Variants in PYHIN1 observed in about 807,000 individuals in gnomAD.
The protein encoded by PYHIN1 is pyrin and HIN domain family member 1, also known as pyrin and HIN domain-containing protein 1.
In PYHIN1, 32 loss-of-function variants were observed where a neutral mutation model predicts 43.7. That is an observed-to-expected ratio of 0.73 (90% CI 0.55 to 0.98). The LOEUF is 0.98. Ranked by LOEUF, PYHIN1 falls within the 50% of genes least tolerant of loss-of-function variation. The probability of loss-of-function intolerance (pLI) is 0.00; values close to 1 mark genes in which losing one functional copy is unlikely to be tolerated. For synonymous variants in PYHIN1, 205 were observed against 203.1 expected, an observed-to-expected ratio of 1.01 and a Z score of -0.08; for missense variants, 588 against 589.5, an observed-to-expected ratio of 1.00 and a Z score of 0.03.
rs753447086 is a variant in PYHIN1, at chr1:158,942,384, A to G, written c.987A>G (p.Leu329=). The change falls in exon 5 of 9, where the codon TTA becomes TTG. Residue 329 remains leucine, a synonymous_variant. Coordinates refer to ENST00000368140, the MANE Select transcript of PYHIN1 (RefSeq NM_152501.5). ...KQTSGYIVYG[L]FMLHTKIVNR... ...CTTCAGGATATATTGTATATGGATT[A>G]TTTATGCTACATACGGTAAGGCATC... 11 of 1,595,688 alleles carry G rather than the reference A, an allele frequency of 6.9e-6. No individual in the cohort carries two copies. Among genetic ancestry groups the G allele is most frequent in the Admixed American group, 1.8e-5 (1 of 55,844 alleles).
At chr1:158,938,010 C>A (rs1319561493) in intron 2 of PYHIN1, among the ~76,000 whole-genome samples, 4 of 151,746 alleles carry the variant, frequency 2.6e-5, no homozygotes, top group Admixed American at 1.3e-4. Flanking sequence ...TATTTAACAT[C>A]TCCTTTCACT....
intron 7 of PYHIN1, 127 bp downstream of exon 7, chr1:158,945,169 A>G: frequency 4.2e-6 from 4 of 963,248 alleles, no homozygotes; most frequent in Non-Finnish European, 6.1e-6. Context: ...TAAATCACCC[A>G]TGTATTTATT....
chr1:158,964,307 G>T lies in PYHIN1; in HGVS notation c.1360-9340G>T, dbSNP rs373786957. The stretch of plus-strand genomic sequence containing the variant: ...CAAACACCTTTAAAACATATTTCAG[G>T]ATATCATCCATGAAAAATTCCCCAA... On this transcript the variant is annotated intron_variant, in intron 7 of 8. Transcript: ENST00000368140. 3.3e-5 allele frequency among the ~76,000 whole-genome samples: 5 copies of T among 152,262 alleles called. No individual in the cohort carries two copies. In the South Asian group the frequency reaches 1.0e-3, roughly 32 times the overall value.
chr1:158,941,457 T>C (rs1351413650), intron 4 of PYHIN1, among the ~76,000 whole-genome samples: 1 of 152,196 alleles, frequency 6.6e-6, no homozygotes, highest in African/African-American at 2.4e-5. Context: ...TGTTCTCACC[T>C]GCTTTAACAG....
intron 7 of PYHIN1, among the ~76,000 whole-genome samples, chr1:158,949,229 G>A (rs1009705431): frequency 1.3e-5 from 2 of 152,110 alleles, no homozygotes; most frequent in Non-Finnish European, 2.9e-5. Flanking sequence ...TGCCATGATG[G>A]ATGAGGACAT....
At chr1:158,939,333 T>C (rs1648762850) in intron 4 of PYHIN1, 86 bp downstream of exon 4, 3 of 1,588,802 alleles carry the variant, frequency 1.9e-6, no homozygotes, top group Non-Finnish European at 2.6e-6. Context: ...AAAAATGACA[T>C]CAATCATCAG....
At chr1:158,968,879 C>T (rs542470667) in intron 7 of PYHIN1, among the ~76,000 whole-genome samples, 8 of 149,548 alleles carry the variant, frequency 5.3e-5, no homozygotes, top group African/African-American at 1.5e-4. Flanking sequence ...GAACAACAGA[C>T]ACTGGCGCCT....
At chr1:158,967,002 A>G (rs1650669880) in intron 7 of PYHIN1, among the ~76,000 whole-genome samples, 1 of 152,164 alleles carries the variant, frequency 6.6e-6, no homozygotes, top group Admixed American at 6.6e-5. Context: ...CTCATAAACA[A>G]CTTCAGCAAA....
downstream of PYHIN1, among the ~76,000 whole-genome samples, chr1:158,980,400 A>G (rs964659364): frequency 6.6e-6 from 1 of 152,154 alleles, no homozygotes; most frequent in African/African-American, 2.4e-5. Flanking sequence ...GGTTTGGGCA[A>G]AACGAGCCGT....
chr1:158,973,535 AC>A, intron 7 of PYHIN1, 111 bp from the exon 8 acceptor site: 1 of 1,031,484 alleles, frequency 9.7e-7, no homozygotes, highest in Non-Finnish European at 1.5e-6. Context: ...ACACACACAC[AC>A]ATATACACAC....
At chr1:158,953,396 G>A (rs1478836856) in intron 7 of PYHIN1, among the ~76,000 whole-genome samples, 1 of 150,890 alleles carries the variant, frequency 6.6e-6, no homozygotes, top group Non-Finnish European at 1.5e-5. Context: ...GCACGCAGCT[G>A]GAGATCTGAG....
intron 7 of PYHIN1, among the ~76,000 whole-genome samples, chr1:158,947,215 T>C (rs1649270851): frequency 6.6e-6 from 1 of 152,226 alleles, no homozygotes; most frequent in African/African-American, 2.4e-5. Context: ...TTAGATTTTG[T>C]CTTTTGGTGT....
At chr1:158,958,037 C>A (rs1303029360) in intron 7 of PYHIN1, among the ~76,000 whole-genome samples, 3 of 152,324 alleles carry the variant, frequency 2.0e-5, no homozygotes, top group Non-Finnish European at 2.9e-5. Flanking sequence ...AGAGAAATGC[C>A]AATCTAAACC....
intron 7 of PYHIN1, 114 bp from the exon 8 acceptor site, chr1:158,973,533 A>ACACC (rs1651062246): frequency 5.0e-6 from 5 of 1,007,132 alleles, no homozygotes; most frequent in Non-Finnish European, 7.5e-6. Flanking sequence ...ACACACACAC[A>ACACC]CACATATACA....
At chr1:158,989,576 C>T in the PYHIN1 span, among the ~76,000 whole-genome samples, 18 of 152,110 alleles carry the variant, frequency 1.2e-4, no homozygotes, top group Non-Finnish European at 2.5e-4. Flanking sequence ...CATCATGTAA[C>T]GATGAAAGTA....
chr1:158,962,319 A>C (rs1433769404), intron 7 of PYHIN1, among the ~76,000 whole-genome samples: 3 of 152,144 alleles, frequency 2.0e-5, no homozygotes, highest in African/African-American at 7.2e-5. Context: ...CTAGAGGGAA[A>C]GGTAGGCTGC....
At chr1:158,941,568 C>T (rs1648915472) in intron 4 of PYHIN1, among the ~76,000 whole-genome samples, 2 of 152,166 alleles carry the variant, frequency 1.3e-5, no homozygotes, top group Non-Finnish European at 2.9e-5. Context: ...TTGTGGTGGA[C>T]ACCCTTTACC....
chr1:158,943,895 GAT>G lies in PYHIN1; in HGVS notation c.1110_1111del (p.Asp370GlufsTer24). 1.2e-6 allele frequency: 2 copies of G among 1,610,158 alleles called. No homozygotes were observed. Among genetic ancestry groups the G allele is most frequent in the Non-Finnish European group, 8.5e-7 (1 of 1,177,242 alleles). On this transcript the variant is annotated frameshift_variant, in exon 6 of 9. Coordinates refer to ENST00000368140, the MANE Select transcript of PYHIN1 (RefSeq NM_152501.5). LOFTEE classifies it high-confidence loss of function. Reference sequence around the variant, plus strand: ...CCACAATATCCCCTGTGAAAAAGGAGATAAGCTTCGACTCTTCTGCTTTCGAC... The same window carrying G: ...CCACAATATCCCCTGTGAAAAAGGAGAAGCTTCGACTCTTCTGCTTTCGAC... ...ECHNIPCEKG[D>X]KLRLFCFRLR...
chr1:158,988,806 A>C, the PYHIN1 span, among the ~76,000 whole-genome samples: 1 of 152,208 alleles, frequency 6.6e-6, no homozygotes, highest in African/African-American at 2.4e-5. Context: ...ATTTGAATAC[A>C]AGCATTTGAA....
Sources: allele counts gnomAD v4.1 joint callset (sites outside exome capture counted in the v4.1 genomes callset), GRCh38; gene constraint gnomAD v4.1.1; transcripts MANE v1.5; gene names NCBI Gene and HGNC (gene_info 2026-07-23, HGNC 2026-07-21).